Variants in MTOR observed in about 807,000 individuals in gnomAD.
The protein encoded by MTOR is serine/threonine-protein kinase mTOR.
MTOR carries 70 observed loss-of-function variants against 319.8 expected under a neutral mutation model. The ratio of observed to expected loss-of-function variants is 0.22; its 90% confidence interval spans 0.18 to 0.27. The LOEUF is 0.27. Among genes scored for constraint, MTOR ranks in the 10% least tolerant of loss-of-function variants. MTOR has a pLI of 1.00. For synonymous variants in MTOR, 1,183 were observed against 1,211.4 expected (o/e 0.98, Z 0.49); for missense variants, 1,890 against 3,274.4 (o/e 0.58, Z 10.32).
At chr1:11,181,053 G>C (rs972189869) in intron 28 of MTOR, among the ~76,000 whole-genome samples, 1 of 152,176 alleles carries the variant, frequency 6.6e-6, no homozygotes, top group Non-Finnish European at 1.5e-5. Context: ...GGGATTACAG[G>C]CATGAGCCAC....
chr1:11,231,804 C>T (rs1647025840), intron 16 of MTOR, among the ~76,000 whole-genome samples: 1 of 152,190 alleles, frequency 6.6e-6, no homozygotes, highest in Non-Finnish European at 1.5e-5. Flanking sequence ...CAGTTCACTG[C>T]AGCCTTAATC....
chr1:11,125,386 T>C (rs566543737), intron 46 of MTOR, among the ~76,000 whole-genome samples: 2 of 152,252 alleles, frequency 1.3e-5, no homozygotes, highest in South Asian at 4.2e-4. Flanking sequence ...CCATGATTAA[T>C]TGGTGTTGGT....
intron 29 of MTOR, among the ~76,000 whole-genome samples, chr1:11,164,433 A>G (rs1339266346): frequency 6.6e-6 from 1 of 152,140 alleles, no homozygotes. Context: ...ATCCCACAGA[A>G]ATACAAACTA....
At chr1:11,256,876 C>A in intron 4 of MTOR, 57 bp downstream of exon 4, 2 of 1,522,666 alleles carry the variant, frequency 1.3e-6, no homozygotes, top group Non-Finnish European at 1.8e-6. Flanking sequence ...GCAAAAGACC[C>A]CCCCATGACA....
At chr1:11,147,629 A>G (rs981356753) in intron 31 of MTOR, among the ~76,000 whole-genome samples, 6 of 152,198 alleles carry the variant, frequency 3.9e-5, no homozygotes, top group African/African-American at 9.7e-5. Flanking sequence ...TCAGGAAGCA[A>G]TTTGTTTTTG....
chr1:11,115,283 C>A lies in MTOR; in HGVS notation c.7089+113G>T. On this transcript the variant is annotated intron_variant, in intron 51 of 57. Coordinates refer to ENST00000361445, the MANE Select transcript of MTOR (RefSeq NM_004958.4). The surrounding 1 kb of genome is among the most constrained non-coding windows in gnomAD (Gnocchi z 4.5). ...GACTTAACTACAGCCTTGGTAGGGC[C>A]AGCAGGGGTTAAGAGTAAGGCAGTT... 1.0e-6 allele frequency: 1 copy of A among 984,328 alleles called. No individual in the cohort carries two copies. The highest frequency in any genetic ancestry group is 1.4e-5 in the South Asian group (1 of 73,456). 61.0% of individuals were successfully genotyped at this position (984,328 alleles called of 1,614,324 possible). A position where few individuals can be genotyped will look rare whatever the true frequency, so the allele number is the denominator to read the frequency against.
In MTOR at chr1:11,255,796, G is replaced by A. The variant is rs142965567; in HGVS notation, c.705+196C>T. Among the ~76,000 whole-genome samples the A allele has an allele frequency of 5.8e-3, 845 of 146,798 alleles. 49 individuals carry two copies. The East Asian group carries it at 0.14, about 24-fold the overall frequency. On this transcript the variant is annotated intron_variant, in intron 5 of 57. Transcript: ENST00000361445. ...CAAGAGGCGGAGGTTGCAGTGAGCC[G>A]AGATTGCGCCACTGCACTCCAGCCT...
At chr1:11,236,255 G>A (rs1647219863) in intron 13 of MTOR, among the ~76,000 whole-genome samples, 1 of 149,550 alleles carries the variant, frequency 6.7e-6, no homozygotes, top group Admixed American at 6.7e-5. Flanking sequence ...TCCCACCTCA[G>A]CCTCCTGAGT....
intron 34 of MTOR, among the ~76,000 whole-genome samples, chr1:11,142,883 GA>G (rs1212990090): frequency 1.3e-5 from 2 of 152,156 alleles, no homozygotes; most frequent in Non-Finnish European, 2.9e-5. Flanking sequence ...CAACTCCAAA[GA>G]AAAGTAACAA....
At chr1:11,258,977 G>C (rs1459410549) in intron 2 of MTOR, among the ~76,000 whole-genome samples, 1 of 152,134 alleles carries the variant, frequency 6.6e-6, no homozygotes, top group Non-Finnish European at 1.5e-5. Context: ...TGAGGGTGTG[G>C]TATGTGGTAA....
intron 30 of MTOR, among the ~76,000 whole-genome samples, chr1:11,155,592 A>G (rs749885121): frequency 3.9e-5 from 6 of 152,120 alleles, no homozygotes; most frequent in Non-Finnish European, 5.9e-5. Context: ...GGTCACAGAG[A>G]AGAATCTGAA....
intron 28 of MTOR, chr1:11,193,440 T>C: frequency 1.4e-6 from 1 of 730,616 alleles, no homozygotes; most frequent in Non-Finnish European, 2.2e-6. Context: ...GCAGCATCAC[T>C]GCCCGAGTGA....
At chr1:11,248,562 G>T (rs1379160376) in intron 6 of MTOR, among the ~76,000 whole-genome samples, 1 of 152,104 alleles carries the variant, frequency 6.6e-6, no homozygotes, top group Non-Finnish European at 1.5e-5. Context: ...CTGTAATTCC[G>T]GTACTTTGGG....
intron 32 of MTOR, chr1:11,145,250 T>C (rs1040487278): frequency 1.7e-5 from 10 of 582,566 alleles, no homozygotes; most frequent in Non-Finnish European, 3.0e-5. Flanking sequence ...CAGAAATGTA[T>C]GGCATCCAAA....
At chr1:11,214,863 A>G (rs1325662398) in intron 20 of MTOR, among the ~76,000 whole-genome samples, 2 of 152,118 alleles carry the variant, frequency 1.3e-5, no homozygotes, top group Admixed American at 1.3e-4. Flanking sequence ...GAGAAGGCCA[A>G]CCTACCTCCC....
intron 25 of MTOR, among the ~76,000 whole-genome samples, chr1:11,208,331 T>C (rs2100778309): frequency 6.6e-6 from 1 of 152,388 alleles, no homozygotes; most frequent in African/African-American, 2.4e-5. Flanking sequence ...TTGAAGCTGT[T>C]TGTGTGAGTA....
intron 14 of MTOR, 32 bp from the exon 15 acceptor site, chr1:11,233,519 A>T: frequency 6.5e-7 from 1 of 1,531,418 alleles, no homozygotes; most frequent in Non-Finnish European, 9.0e-7. Flanking sequence ...AAATGAATGC[A>T]GATTAGACTC....
chr1:11,211,527 C>G (rs893306412), intron 23 of MTOR, among the ~76,000 whole-genome samples: 2 of 152,160 alleles, frequency 1.3e-5, no homozygotes, highest in African/African-American at 4.8e-5. Flanking sequence ...GTTCCTACGC[C>G]TGGCTAAGTT....
intron 26 of MTOR, among the ~76,000 whole-genome samples, chr1:11,200,019 C>G (rs369440116): frequency 6.6e-6 from 1 of 151,966 alleles, no homozygotes; most frequent in East Asian, 1.9e-4. Flanking sequence ...ACTTGGGGGG[C>G]GAGTGGCAGG....
Sources: gnomAD v4.1 joint callset for allele counts (sites outside exome capture counted in the v4.1 genomes callset) on GRCh38, gnomAD v4.1.1 for gene constraint, Gnocchi (gnomAD v3.1) non-coding constraint, MANE v1.5 for transcripts, NCBI Gene and HGNC (gene_info 2026-07-23, HGNC 2026-07-21) for gene names.